CAST: variants seen among roughly 807,000 people sequenced by gnomAD.
The protein encoded by CAST is calpastatin, also known as MIR583 host.
Under a neutral mutation model 119.6 loss-of-function variants are expected in CAST, and 76 were observed. That is an observed-to-expected ratio of 0.64 (90% CI 0.53 to 0.77). CAST has a LOEUF of 0.77. CAST is among the 30% of genes least tolerant of loss of function. The probability of loss-of-function intolerance (pLI) is 0.00; values close to 1 mark genes in which losing one functional copy is unlikely to be tolerated. For synonymous variants in CAST, 319 were observed against 331.6 expected (o/e 0.96, Z 0.41); for missense variants, 953 against 946.5 (o/e 1.01, Z -0.09).
chr5:96,600,109 C>G lies in CAST; in HGVS notation c.60+70229C>G, dbSNP rs567567540. ...TAGTGGTTTGATTAGGTTGTATGGG[C>G]ATTATTAAACCCTTGTGTCTAAGAA... On this transcript the variant is annotated intron_variant, in intron 1 of 11. Transcript: ENST00000505143. Among the ~76,000 whole-genome samples the G allele has an allele frequency of 2.1e-4, 32 of 152,210 alleles. 1 individual carries two copies. The highest frequency in any genetic ancestry group is 1.2e-3 in the Admixed American group (18 of 15,286).
chr5:96,172,954 T>G, the CAST span, among the ~76,000 whole-genome samples: 2 of 152,218 alleles, frequency 1.3e-5, no homozygotes, highest in Non-Finnish European at 2.9e-5. Context: ...CCCCAAATTT[T>G]GGGCACATAT....
At chr5:96,544,429 A>G (rs778770907) in intron 1 of CAST, among the ~76,000 whole-genome samples, 7 of 152,166 alleles carry the variant, frequency 4.6e-5, no homozygotes, top group Non-Finnish European at 1.0e-4. Context: ...ATCACTTTTT[A>G]GTTCTGGAAG....
At position 96,762,252 on chromosome 5, in the gene CAST, A is replaced by C. The variant is rs373534202; in HGVS notation, c.1834-22A>C. ...TAATTTTATATACAACATGTTACTA[A>C]TAAAATTTTTTTCAATAAAAGAAAT... On this transcript the variant is annotated intron_variant, in intron 24 of 31. Coordinates refer to ENST00000675179, the MANE Select transcript of CAST (RefSeq NM_001750.7). 2.6e-6 allele frequency: 4 copies of C among 1,542,924 alleles called. No homozygotes were observed. In the Middle Eastern group the frequency reaches 5.1e-4, roughly 197 times the overall value.
the CAST span, among the ~76,000 whole-genome samples, chr5:96,088,875 C>T: frequency 6.6e-6 from 1 of 152,006 alleles, no homozygotes; most frequent in African/African-American, 2.4e-5. Context: ...CCTTGTTGTG[C>T]AGCAGGCTGG....
intron 2 of CAST, among the ~76,000 whole-genome samples, chr5:96,680,562 A>G (rs1257280801): frequency 6.6e-6 from 1 of 151,970 alleles, no homozygotes; most frequent in Non-Finnish European, 1.5e-5. Context: ...GAACACCATT[A>G]TAGGGCCTAG....
At chr5:96,707,930 G>A (rs1001319895) in intron 3 of CAST, among the ~76,000 whole-genome samples, 1 of 152,046 alleles carries the variant, frequency 6.6e-6, no homozygotes, top group Non-Finnish European at 1.5e-5. Context: ...TGCACATACT[G>A]TTTCCTTATT....
intron 2 of CAST, among the ~76,000 whole-genome samples, chr5:96,692,155 C>G (rs1048316180): frequency 1.3e-5 from 2 of 152,048 alleles, no homozygotes; most frequent in African/African-American, 4.8e-5. Flanking sequence ...GTGGATCCAG[C>G]CCTATCACTA....
At chr5:95,994,449 A>G in the CAST span, among the ~76,000 whole-genome samples, 1 of 152,130 alleles carries the variant, frequency 6.6e-6, no homozygotes, top group South Asian at 2.1e-4. Context: ...GTAAAACTAT[A>G]GGCTGAGGCT....
rs764999611 is a variant in CAST, at chr5:96,741,449, A to G, written c.1012-45A>G. 5.2e-6 allele frequency: 8 copies of G among 1,524,782 alleles called. No homozygotes were observed. In the African/African-American group the frequency reaches 1.1e-4, roughly 21 times the overall value. 94.5% of individuals were successfully genotyped at this position (1,524,782 alleles called of 1,614,324 possible). ...TTTTAGTTCAGGCTATTACAGTTAA[A>G]CTTTCCTCATCTGTAAGTCTAATCT... On this transcript the variant is annotated intron_variant, in intron 14 of 31. Transcript: ENST00000675179.
chr5:96,350,728 C>T, the CAST span, among the ~76,000 whole-genome samples: 3,030 of 152,190 alleles, frequency 0.02, 31 homozygotes, highest in Non-Finnish European at 0.028. Context: ...ACTCCAACTT[C>T]CTCCTTCTCC....
chr5:96,110,318 T>C, the CAST span, among the ~76,000 whole-genome samples: 1 of 152,174 alleles, frequency 6.6e-6, no homozygotes, highest in Non-Finnish European at 1.5e-5. Context: ...GTTCAAGTTA[T>C]CTCAATTTCT....
chr5:96,413,450 GATATGAAAT>G, the CAST span, among the ~76,000 whole-genome samples: 2 of 152,174 alleles, frequency 1.3e-5, no homozygotes, highest in Non-Finnish European at 2.9e-5. Flanking sequence ...AAGGTAAAAT[GATATGAAAT>G]TGATATGATC....
intron 1 of CAST, among the ~76,000 whole-genome samples, chr5:96,534,775 A>AAGAGAGAAAG (rs1561408995): frequency 7.5e-6 from 1 of 133,960 alleles, no homozygotes; most frequent in Non-Finnish European, 1.6e-5. Context: ...GAAAGAAAGA[A>AAGAGAGAAAG]AGAAAGAAAG....
At chr5:96,242,794 C>T in the CAST span, among the ~76,000 whole-genome samples, 1 of 152,144 alleles carries the variant, frequency 6.6e-6, no homozygotes, top group Non-Finnish European at 1.5e-5. Context: ...CAGTTTTTAA[C>T]ATTGCCCTGT....
chr5:96,442,785 C>T, the CAST span, among the ~76,000 whole-genome samples: 1 of 152,176 alleles, frequency 6.6e-6, no homozygotes. Flanking sequence ...GGCATTTACC[C>T]TACCACTGCT....
intron 1 of CAST, among the ~76,000 whole-genome samples, chr5:96,556,485 TA>T (rs1390165260): frequency 6.6e-6 from 1 of 152,102 alleles, no homozygotes; most frequent in East Asian, 1.9e-4. Context: ...AATGGCTAAC[TA>T]GAATAACCAA....
At chr5:96,247,081 TTGAC>T in the CAST span, among the ~76,000 whole-genome samples, 1 of 152,254 alleles carries the variant, frequency 6.6e-6, no homozygotes, top group Admixed American at 6.5e-5. Context: ...TATTTGGGGT[TTGAC>T]TGGTTTTGGT....
At chr5:96,433,725 C>T in the CAST span, among the ~76,000 whole-genome samples, 1 of 152,112 alleles carries the variant, frequency 6.6e-6, no homozygotes, top group Admixed American at 6.5e-5. Context: ...AGAAGGGAAG[C>T]TACTACTGTC....
the CAST span, among the ~76,000 whole-genome samples, chr5:96,281,433 A>G: frequency 6.6e-6 from 1 of 152,232 alleles, no homozygotes; most frequent in Non-Finnish European, 1.5e-5. Context: ...GCAATGAATT[A>G]ACCAAGATTA....
Sources: gnomAD v4.1 joint callset for allele counts (sites outside exome capture counted in the v4.1 genomes callset) on GRCh38, gnomAD v4.1.1 for gene constraint, MANE v1.5 for transcripts, NCBI Gene and HGNC (gene_info 2026-07-23, HGNC 2026-07-21) for gene names.